SETDB2: variants seen among roughly 807,000 people sequenced by gnomAD.
SETDB2 encodes SET domain bifurcated histone lysine methyltransferase 2, also known as histone-lysine N-methyltransferase SETDB2.
In SETDB2, 56 loss-of-function variants were observed where a neutral mutation model predicts 82.5. The observed-to-expected ratio is 0.68, with a 90% CI of 0.55 to 0.85. The LOEUF (loss-of-function observed/expected upper bound fraction) is 0.85. Ranked by LOEUF, SETDB2 falls within the 40% of genes least tolerant of loss-of-function variation. The pLI is 0.00. For synonymous variants in SETDB2, 272 were observed against 284.9 expected, an observed-to-expected ratio of 0.95 and a Z score of 0.46; for missense variants, 677 against 816.4, an observed-to-expected ratio of 0.83 and a Z score of 2.08.
At chr13:49,471,926 ATATATATATTTTT>A (rs1230001167) in intron 5 of SETDB2, among the ~76,000 whole-genome samples, 5 of 64,612 alleles carry the variant, frequency 7.7e-5, no homozygotes, top group Non-Finnish European at 1.4e-4. Flanking sequence ...ATATATATAT[ATATATATATTTTT>A]TTTTTTTTTT....
At chr13:49,452,028 G>A (rs1957794687) in intron 2 of SETDB2, 119 bp downstream of exon 2, 2 of 611,786 alleles carry the variant, frequency 3.3e-6, no homozygotes, top group South Asian at 3.7e-5. Flanking sequence ...TGAATTAGAG[G>A]GAATTAAGGG....
At chr13:49,487,530 A>G (rs1223272607) in intron 11 of SETDB2, among the ~76,000 whole-genome samples, 2 of 151,854 alleles carry the variant, frequency 1.3e-5, no homozygotes, top group Admixed American at 6.6e-5. Flanking sequence ...TTTTGTAGAG[A>G]TGGGGTCTCA....
At chr13:49,457,662 C>T (rs1198357998) in intron 2 of SETDB2, among the ~76,000 whole-genome samples, 1 of 152,064 alleles carries the variant, frequency 6.6e-6, no homozygotes, top group Non-Finnish European at 1.5e-5. Flanking sequence ...TCTCAAACTC[C>T]TGGCCTCAAG....
intron 5 of SETDB2, among the ~76,000 whole-genome samples, chr13:49,470,251 CTTT>C (rs766910743): frequency 2.0e-5 from 3 of 152,008 alleles, no homozygotes; most frequent in Non-Finnish European, 4.4e-5. Flanking sequence ...CACTCAGAGG[CTTT>C]TTTTGAGATT....
chr13:49,452,302 G>T (rs1443776449), intron 2 of SETDB2, among the ~76,000 whole-genome samples: 1 of 151,842 alleles, frequency 6.6e-6, no homozygotes, highest in Non-Finnish European at 1.5e-5. Flanking sequence ...TAGTAGAGAT[G>T]GGGTTTCACC....
chr13:49,481,210 A>G, intron 8 of SETDB2, 94 bp downstream of exon 8: 1 of 1,157,122 alleles, frequency 8.6e-7, no homozygotes, highest in South Asian at 1.5e-5. Context: ...AGCTTACAGC[A>G]AGGTAAAGAG....
chr13:49,471,935 T>TATATA (rs561242564), intron 5 of SETDB2, among the ~76,000 whole-genome samples: 20,104 of 97,888 alleles, frequency 0.21, 1,855 homozygotes, highest in Non-Finnish European at 0.24. Flanking sequence ...TATATATATA[T>TATATA]TTTTTTTTTT....
At chr13:49,462,105 T>G (rs959587738) in intron 4 of SETDB2, among the ~76,000 whole-genome samples, 2 of 152,186 alleles carry the variant, frequency 1.3e-5, no homozygotes, top group African/African-American at 4.8e-5. Flanking sequence ...GTCTGAAAGC[T>G]CTCTGAACCC....
intron 2 of SETDB2, among the ~76,000 whole-genome samples, chr13:49,452,491 C>A (rs759536026): frequency 4.6e-5 from 7 of 152,128 alleles, no homozygotes; most frequent in Non-Finnish European, 1.0e-4. Flanking sequence ...AAACCTGGTA[C>A]TTAGCTTTAT....
In SETDB2 at chr13:49,476,399, G is replaced by T. The variant is rs375356908; in HGVS notation, c.306-77G>T. ...TATTTTAATATTGTCTAAGAAGGTA[G>T]AAAATAATCATAGTTTTTTTAAAAT... On this transcript the variant is annotated intron_variant, in intron 5 of 13. Transcript: ENST00000611815. The T allele has an allele frequency of 1.1e-3, 1,127 of 994,628 alleles. 25 individuals carry two copies. In the South Asian group the frequency reaches 0.018, roughly 16 times the overall value. 61.6% of individuals were successfully genotyped at this position (994,628 alleles called of 1,614,324 possible).
At position 49,493,332 on chromosome 13, in the gene SETDB2, A is replaced by G. The variant is rs1958747582; in HGVS notation, c.*1483A>G. 1 of 152,234 alleles carries G rather than the reference A, an allele frequency of 6.6e-6. No individual in the cohort carries two copies. Among genetic ancestry groups the G allele is most frequent in the Admixed American group, 6.5e-5 (1 of 15,290 alleles). The allele number at this position is 152,234 out of a possible 1,614,324, so 9.4% of individuals were successfully genotyped here. ...GGGAACCATTTTTGTGCAAAAGGGA[A>G]TATTATGGATCAGCCAGTATTTCTT... On this transcript the variant is annotated 3_prime_UTR_variant, in exon 14 of 14. Coordinates refer to ENST00000611815, the MANE Select transcript of SETDB2 (RefSeq NM_001160308.3).
intron 3 of SETDB2, among the ~76,000 whole-genome samples, chr13:49,460,615 A>G (rs965096753): frequency 2.0e-5 from 3 of 151,690 alleles, no homozygotes; most frequent in South Asian, 2.1e-4. Context: ...TGTGTTCTAC[A>G]TAGGCAGTTA....
rs185837067 is a variant in SETDB2 at position 49,479,051 on chromosome 13, A to G, written c.870-1168A>G. Among the ~76,000 whole-genome samples the G allele has an allele frequency of 5.8e-3, 890 of 152,346 alleles. 26 individuals are homozygous for G. The highest frequency in any genetic ancestry group is 3.4e-3 in the Non-Finnish European group (233 of 68,034). On this transcript the variant is annotated intron_variant, in intron 6 of 13. Transcript: ENST00000611815. ...CTCAAAAACATTATATTGAACAACAAAAAAAGCAAGTTATAGAATAATACC... is the reference window on the plus strand; with the variant it reads ...CTCAAAAACATTATATTGAACAACAGAAAAAGCAAGTTATAGAATAATACC...
At chr13:49,454,999 A>G (rs2138834138) in intron 2 of SETDB2, among the ~76,000 whole-genome samples, 1 of 152,338 alleles carries the variant, frequency 6.6e-6, no homozygotes, top group Non-Finnish European at 1.5e-5. Flanking sequence ...TTCAAAAAAT[A>G]TTAATTGGCT....
chr13:49,445,031 G>A (rs558992205), intron 1 of SETDB2, among the ~76,000 whole-genome samples, 174 bp downstream of exon 1: 1 of 152,324 alleles, frequency 6.6e-6, no homozygotes, highest in African/African-American at 2.4e-5. Flanking sequence ...CCTGCAGTGA[G>A]CTCTGTAAAT....
intron 1 of SETDB2, among the ~76,000 whole-genome samples, chr13:49,448,176 A>C (rs1206950422): frequency 6.6e-6 from 1 of 152,178 alleles, no homozygotes; most frequent in African/African-American, 2.4e-5. Flanking sequence ...TGTGTGGCAC[A>C]CATCTCTAGT....
intron 5 of SETDB2, 48 bp from the exon 6 acceptor site, chr13:49,476,428 G>A (rs764981047): frequency 4.0e-5 from 49 of 1,231,284 alleles, no homozygotes; most frequent in Non-Finnish European, 5.2e-5. Flanking sequence ...TTAAAATGAG[G>A]AATTGAACTA....
intron 4 of SETDB2, among the ~76,000 whole-genome samples, chr13:49,463,186 A>G (rs184750994): frequency 0.067 from 9,934 of 148,214 alleles, 408 homozygotes; most frequent in Non-Finnish European, 0.071. Context: ...TTTTTTTTGT[A>G]TTTTAGTAGA....
At chr13:49,460,050 G>T in intron 2 of SETDB2, 57 bp from the exon 3 acceptor site, 1 of 1,536,504 alleles carries the variant, frequency 6.5e-7, no homozygotes. Flanking sequence ...CATGTTCTTA[G>T]ATAAATTATA....
Sources: gnomAD v4.1 joint callset for allele counts (sites outside exome capture counted in the v4.1 genomes callset) on GRCh38, gnomAD v4.1.1 for gene constraint, MANE v1.5 for transcripts, NCBI Gene and HGNC (gene_info 2026-07-23, HGNC 2026-07-21) for gene names.